DDHD1: variants seen among roughly 807,000 people sequenced by gnomAD.
DDHD1 encodes phospholipase DDHD1.
In DDHD1, 49 loss-of-function variants were observed where a neutral mutation model predicts 96.4. The ratio of observed to expected loss-of-function variants is 0.51; its 90% CI spans 0.40 to 0.64. DDHD1 has a LOEUF of 0.64. Ranked by LOEUF, DDHD1 falls within the 30% of genes least tolerant of loss-of-function variation. DDHD1 has a pLI of 0.00. For synonymous variants in DDHD1, 442 were observed against 446.5 expected, an observed-to-expected ratio of 0.99 and a Z score of 0.13; for missense variants, 1,106 against 1,161.2, an observed-to-expected ratio of 0.95 and a Z score of 0.69.
chr14:53,129,031 A>T (rs1889669305), intron 1 of DDHD1, among the ~76,000 whole-genome samples: 1 of 152,142 alleles, frequency 6.6e-6, no homozygotes, highest in Non-Finnish European at 1.5e-5. Flanking sequence ...ACCTATCCCA[A>T]ACCTATAAGA....
intron 1 of DDHD1, among the ~76,000 whole-genome samples, chr14:53,109,595 G>A (rs1887957283): frequency 6.6e-6 from 1 of 152,158 alleles, no homozygotes; most frequent in Admixed American, 6.5e-5. Context: ...ATGTGTGTGT[G>A]CATGTGTGTG....
chr14:53,145,927 C>G (rs530277643), intron 1 of DDHD1, among the ~76,000 whole-genome samples: 7 of 152,254 alleles, frequency 4.6e-5, no homozygotes, highest in Admixed American at 3.9e-4. Flanking sequence ...CATTAATGGG[C>G]AGGGTATGGT....
chr14:53,091,642 T>G, intron 4 of DDHD1, 143 bp downstream of exon 4: 1 of 806,686 alleles, frequency 1.2e-6, no homozygotes, highest in Non-Finnish European at 1.8e-6. Context: ...GTCCAGATAC[T>G]TGATCTATGA....
rs567858005 is a variant in DDHD1 at position 53,102,918 on chromosome 14, G to C, written c.1012+765C>G. 2.2e-4 allele frequency: 219 copies of C among 1,007,504 alleles called. 2 individuals carry two copies. The South Asian group carries it at 3.4e-3, about 15-fold the overall frequency. 62.4% of individuals were successfully genotyped at this position (1,007,504 alleles called of 1,614,324 possible). A position where few individuals can be genotyped will look rare whatever the true frequency, so the allele number is the denominator to read the frequency against. ...ATATTTTAATTCATTAGATTCAGTA[G>C]AGCTTGCCAAGAAACCTCCCAAATA... On this transcript the variant is annotated intron_variant, in intron 2 of 12. Transcript: ENST00000673822.
intron 1 of DDHD1, among the ~76,000 whole-genome samples, chr14:53,147,878 C>A (rs961417555): frequency 1.3e-5 from 2 of 152,096 alleles, no homozygotes; most frequent in African/African-American, 4.8e-5. Context: ...CCTTCTACCC[C>A]CTGGGACTCC....
intron 3 of DDHD1, chr14:53,092,393 A>T (rs1886504388): frequency 6.6e-6 from 1 of 152,182 alleles, no homozygotes. Context: ...ATAAAAAGAT[A>T]TTCAAAGCAC....
intron 1 of DDHD1, among the ~76,000 whole-genome samples, chr14:53,136,893 T>C (rs990672093): frequency 6.6e-6 from 1 of 152,136 alleles, no homozygotes; most frequent in Admixed American, 6.6e-5. Context: ...ATAAAGCATA[T>C]GCCTAACAGG....
chr14:53,103,558 TAA>T, intron 2 of DDHD1, 123 bp downstream of exon 2: 1 of 789,560 alleles, frequency 1.3e-6, no homozygotes, highest in Non-Finnish European at 1.9e-6. Context: ...ATCAAATGTT[TAA>T]AAAAATCAAA....
rs55662153 is a variant in DDHD1 at position 53,068,243 on chromosome 14, C to CTT, written c.1503+4352_1503+4353dup. On this transcript the variant is annotated intron_variant, in intron 6 of 12. Transcript: ENST00000673822. ...CCGCAGCCACTCGGCCTTTATGATACTTTTTTTTTTTTTTTTTTGAGATGG... is the reference window on the plus strand; with the variant it reads ...CCGCAGCCACTCGGCCTTTATGATACTTTTTTTTTTTTTTTTTTTTGAGATGG... Among the ~76,000 whole-genome samples, 5 of 104,452 alleles carry CTT rather than the reference C, an allele frequency of 4.8e-5. 1 individual carries two copies. The highest frequency in any genetic ancestry group is 5.3e-5 in the Non-Finnish European group (3 of 56,220). The allele number at this position is 104,452 out of a possible 152,430, so 68.5% of individuals were successfully genotyped here.
At chr14:53,061,041 T>C in intron 8 of DDHD1, 85 bp downstream of exon 8, 1 of 1,195,146 alleles carries the variant, frequency 8.4e-7, no homozygotes, top group African/African-American at 1.6e-5. Context: ...CAATAAACTT[T>C]CATTTGAATC....
chr14:53,060,040 GAGAT>G (rs1312344566), intron 8 of DDHD1, among the ~76,000 whole-genome samples: 2 of 151,660 alleles, frequency 1.3e-5, no homozygotes, highest in East Asian at 1.9e-4. Context: ...GTAAGTAATG[GAGAT>G]AGATTCAATT....
intron 5 of DDHD1, 107 bp downstream of exon 5, chr14:53,073,634 A>G: frequency 5.1e-6 from 4 of 789,000 alleles, no homozygotes; most frequent in Non-Finnish European, 8.2e-6. Context: ...AATTAAATTG[A>G]AGACACTACA....
intron 1 of DDHD1, among the ~76,000 whole-genome samples, chr14:53,135,866 A>T (rs1191163581): frequency 6.6e-6 from 1 of 152,228 alleles, no homozygotes; most frequent in Non-Finnish European, 1.5e-5. Context: ...AGAAGAGGAC[A>T]GTGATCACTG....
Position 53,038,840 on chromosome 14 carries a change from C to T in DDHD1, c.*7928G>A, listed in dbSNP as rs1157260539. On this transcript the variant is annotated 3_prime_UTR_variant, in exon 13 of 13. Transcript: ENST00000673822. ...CACGGCACTGGTACAATAACAGACA[C>T]GTAGACCAATGGAACACAATAGAGA... 5.3e-5 allele frequency: 8 copies of T among 152,282 alleles called. No individual in the cohort carries two copies. Among genetic ancestry groups the T allele is most frequent in the East Asian group, 1.9e-4 (1 of 5,190 alleles). 9.4% of individuals were successfully genotyped at this position (152,282 alleles called of 1,614,324 possible).
chr14:53,098,028 C>A (rs1887018150), intron 2 of DDHD1, among the ~76,000 whole-genome samples: 1 of 151,856 alleles, frequency 6.6e-6, no homozygotes, highest in Non-Finnish European at 1.5e-5. Context: ...ACTTTTTCAA[C>A]CCAAAGCACA....
At position 53,125,587 on chromosome 14, in the gene DDHD1, C is replaced by A. The variant is rs78352463; in HGVS notation, c.839-21731G>T. 7.8e-4 allele frequency among the ~76,000 whole-genome samples: 118 copies of A among 152,244 alleles called. 5 individuals are homozygous for A. The East Asian group carries it at 0.017, about 22-fold the overall frequency. ...GAAACTTTTAATATCAGCACAGTGT[C>A]ATTCAAACTTTTCTATTTTCTCTTT... On this transcript the variant is annotated intron_variant, in intron 1 of 12. Transcript: ENST00000673822.
At chr14:53,096,203 G>A in intron 2 of DDHD1, 5 of 985,152 alleles carry the variant, frequency 5.1e-6, no homozygotes, top group Non-Finnish European at 6.0e-6. Flanking sequence ...GGAGAAGGGA[G>A]GGAGGTGGTA....
intron 2 of DDHD1, chr14:53,096,113 G>A (rs574577457): frequency 3.1e-6 from 3 of 979,878 alleles, no homozygotes; most frequent in South Asian, 9.4e-5. Context: ...TACAATTACT[G>A]TACCTTGGGA....
intron 1 of DDHD1, among the ~76,000 whole-genome samples, chr14:53,131,456 C>G (rs746064366): frequency 6.6e-6 from 1 of 152,176 alleles, no homozygotes; most frequent in Non-Finnish European, 1.5e-5. Flanking sequence ...AATCATCCTT[C>G]CCATCCATCC....
Sources: gnomAD v4.1 joint callset for allele counts (sites outside exome capture counted in the v4.1 genomes callset) on GRCh38, gnomAD v4.1.1 for gene constraint, MANE v1.5 for transcripts, NCBI Gene and HGNC (gene_info 2026-07-23, HGNC 2026-07-21) for gene names.